Variants in KLHL29 observed in about 807,000 individuals in gnomAD.
KLHL29 encodes the protein kelch-like protein 29.
A neutral mutation model predicts 80.4 loss-of-function variants in KLHL29; 21 were observed. The observed-to-expected ratio is 0.26, with a 90% CI of 0.19 to 0.38. KLHL29 has a LOEUF of 0.38. KLHL29 is among the 10% of genes least tolerant of loss of function. The pLI, the probability that KLHL29 is intolerant of heterozygous loss-of-function variation, is 1.00. For synonymous variants in KLHL29, 511 were observed against 526.8 expected, an observed-to-expected ratio of 0.97 and a Z score of 0.41; for missense variants, 867 against 1,223.9, an observed-to-expected ratio of 0.71 and a Z score of 4.35.
intron 2 of KLHL29, among the ~76,000 whole-genome samples, chr2:23,517,349 C>T (rs990335712): frequency 6.6e-6 from 1 of 152,168 alleles, no homozygotes; most frequent in African/African-American, 2.4e-5. Context: ...TCGAGACCAT[C>T]CTGGCCAACA....
intron 3 of KLHL29, among the ~76,000 whole-genome samples, chr2:23,609,495 T>C (rs1668804986): frequency 6.6e-6 from 1 of 151,834 alleles, no homozygotes; most frequent in Admixed American, 6.6e-5. Context: ...TTTTGTGAAA[T>C]AGAGAGCAGG....
intron 1 of KLHL29, among the ~76,000 whole-genome samples, chr2:23,431,052 C>G (rs1251805010): frequency 6.6e-6 from 1 of 152,206 alleles, no homozygotes; most frequent in East Asian, 1.9e-4. Flanking sequence ...GCTGTGCAGC[C>G]TGGAGAGTGT....
intron 1 of KLHL29, among the ~76,000 whole-genome samples, chr2:23,426,124 A>G (rs1224528430): frequency 6.6e-6 from 1 of 152,184 alleles, no homozygotes; most frequent in Non-Finnish European, 1.5e-5. Flanking sequence ...GGGAGGGACA[A>G]CTGGGTTCTG....
intron 2 of KLHL29, chr2:23,532,629 A>G (rs1232063770): frequency 4.4e-6 from 2 of 456,628 alleles, no homozygotes; most frequent in Non-Finnish European, 8.8e-6. Context: ...TTGTAAGATT[A>G]TCTTAACTTG....
chr2:23,560,661 A>T (rs1026264993), intron 2 of KLHL29, among the ~76,000 whole-genome samples: 33 of 152,248 alleles, frequency 2.2e-4, no homozygotes, highest in African/African-American at 7.7e-4. Context: ...CAGCTGAAGA[A>T]GTTATGGTCA....
intron 3 of KLHL29, among the ~76,000 whole-genome samples, chr2:23,634,084 G>T (rs1558417113): frequency 2.6e-5 from 4 of 152,232 alleles, no homozygotes; most frequent in Middle Eastern, 3.4e-3. Flanking sequence ...TCTGCTGGTT[G>T]TAAGTTCCTC....
intron 1 of KLHL29, among the ~76,000 whole-genome samples, chr2:23,433,564 G>A (rs191982812): frequency 3.3e-5 from 5 of 152,294 alleles, no homozygotes; most frequent in African/African-American, 4.8e-5. Flanking sequence ...TGCTGCCTAC[G>A]TTATGTAGGC....
rs75840654 is a variant in KLHL29 at position 23,496,154 on chromosome 2, G to A, written c.-46+20487G>A. On this transcript the variant is annotated intron_variant, in intron 2 of 13. Coordinates refer to ENST00000486442, the MANE Select transcript of KLHL29 (RefSeq NM_052920.2). Reference sequence around the variant, plus strand: ...CTCACTGGGTTCCAAAGAGGACTCCGGCTTACCCGCTGCAGCAGTGGGATA... The same window carrying A: ...CTCACTGGGTTCCAAAGAGGACTCCAGCTTACCCGCTGCAGCAGTGGGATA... 4.2e-3 allele frequency among the ~76,000 whole-genome samples: 641 copies of A among 152,314 alleles called. 5 individuals carry two copies. The highest frequency in any genetic ancestry group is 0.015 in the African/African-American group (612 of 41,564).
chr2:23,566,233 G>T (rs1439764449), intron 3 of KLHL29, among the ~76,000 whole-genome samples: 3 of 152,220 alleles, frequency 2.0e-5, no homozygotes, highest in Non-Finnish European at 4.4e-5. Flanking sequence ...GGCTCCCCCA[G>T]CCCCGCAACA....
chr2:23,566,427 C>G (rs1309649471), intron 3 of KLHL29, among the ~76,000 whole-genome samples: 1 of 152,244 alleles, frequency 6.6e-6, no homozygotes, highest in African/African-American at 2.4e-5. Context: ...GGGCCAGCTC[C>G]TCTTCCCACT....
intron 1 of KLHL29, among the ~76,000 whole-genome samples, chr2:23,432,064 C>A (rs1020223475): frequency 3.9e-5 from 6 of 152,150 alleles, no homozygotes; most frequent in African/African-American, 1.4e-4. Context: ...CACCATTTCT[C>A]GAAGTTTCCT....
chr2:23,677,954 T>C (rs1055050249), intron 5 of KLHL29, among the ~76,000 whole-genome samples: 1 of 152,220 alleles, frequency 6.6e-6, no homozygotes, highest in East Asian at 1.9e-4. Context: ...AAAAAAATGA[T>C]TTGGCCACAC....
At chr2:23,691,194 C>T (rs1470697425) in intron 6 of KLHL29, 1 of 188,036 alleles carries the variant, frequency 5.3e-6, no homozygotes, top group Non-Finnish European at 1.1e-5. Context: ...GGCCCTCGGT[C>T]CTGGGGCGAT....
chr2:23,522,208 G>T (rs535355253), intron 2 of KLHL29, among the ~76,000 whole-genome samples: 1 of 152,042 alleles, frequency 6.6e-6, no homozygotes, highest in Non-Finnish European at 1.5e-5. Flanking sequence ...GAGTGCAGTG[G>T]CATGATCTTG....
intron 2 of KLHL29, among the ~76,000 whole-genome samples, chr2:23,561,334 G>C (rs1397476628): frequency 6.6e-6 from 1 of 152,210 alleles, no homozygotes. Flanking sequence ...GCCCTTCCAA[G>C]TATCATGGTG....
chr2:23,635,864 C>T (rs1669593942), intron 3 of KLHL29, among the ~76,000 whole-genome samples: 1 of 152,218 alleles, frequency 6.6e-6, no homozygotes, highest in African/African-American at 2.4e-5. Flanking sequence ...CAGATGATGG[C>T]AGTGGGAGGG....
chr2:23,440,337 T>C (rs1663479109), intron 1 of KLHL29, among the ~76,000 whole-genome samples: 1 of 151,602 alleles, frequency 6.6e-6, no homozygotes, highest in South Asian at 2.1e-4. Flanking sequence ...TCAAGATGGA[T>C]TAAAGACTTA....
At chr2:23,679,901 C>A (rs1381973753) in intron 5 of KLHL29, among the ~76,000 whole-genome samples, 2 of 151,862 alleles carry the variant, frequency 1.3e-5, no homozygotes, top group Non-Finnish European at 2.9e-5. Context: ...AAGATCCAGG[C>A]GGAGGGGACG....
chr2:23,648,304 A>G (rs1669995756), intron 5 of KLHL29, among the ~76,000 whole-genome samples: 1 of 152,098 alleles, frequency 6.6e-6, no homozygotes, highest in Non-Finnish European at 1.5e-5. Flanking sequence ...GTTATTTTAC[A>G]TACTCGTAGG....
Sources: gnomAD v4.1 joint callset for allele counts (sites outside exome capture counted in the v4.1 genomes callset) on GRCh38, gnomAD v4.1.1 for gene constraint, MANE v1.5 for transcripts, NCBI Gene and HGNC (gene_info 2026-07-23, HGNC 2026-07-21) for gene names.